CDK14: variants seen among roughly 807,000 people sequenced by gnomAD.
The protein encoded by CDK14 is cyclin-dependent kinase 14.
In CDK14, 34 loss-of-function variants were observed where a neutral mutation model predicts 60.7. The ratio of observed to expected loss-of-function variants is 0.56; its 90% CI spans 0.43 to 0.75. The LOEUF (loss-of-function observed/expected upper bound fraction) is 0.75. CDK14 is among the 30% of genes least tolerant of loss of function. CDK14 has a pLI of 0.00. For missense variants in CDK14, 482 were observed against 564.1 expected (o/e 0.85, Z 1.47); for synonymous variants, 197 against 203.7 (o/e 0.97, Z 0.28).
intron 6 of CDK14, among the ~76,000 whole-genome samples, chr7:90,897,367 GC>G (rs922365784): frequency 2.0e-5 from 3 of 151,974 alleles, no homozygotes; most frequent in African/African-American, 7.2e-5. Context: ...TTTTTAATAA[GC>G]GTTTCAACAC....
intron 8 of CDK14, among the ~76,000 whole-genome samples, chr7:90,947,432 G>A (rs918064692): frequency 6.6e-6 from 1 of 152,126 alleles, no homozygotes; most frequent in African/African-American, 2.4e-5. Flanking sequence ...ATGACCTGGG[G>A]TAAATTAGTT....
intron 8 of CDK14, among the ~76,000 whole-genome samples, chr7:90,924,189 G>T (rs1424869546): frequency 1.3e-5 from 2 of 152,238 alleles, no homozygotes; most frequent in Non-Finnish European, 2.9e-5. Context: ...TCTCTGCAGA[G>T]TCCTGAGGCG....
At chr7:90,716,339 G>A (rs1037625504) in intron 2 of CDK14, 14 of 151,956 alleles carry the variant, frequency 9.2e-5, no homozygotes, top group Non-Finnish European at 1.8e-4. Context: ...TTCTTTTCTA[G>A]ATCCTGAGGT....
intron 10 of CDK14, among the ~76,000 whole-genome samples, chr7:91,042,381 C>T: frequency 6.6e-6 from 1 of 152,084 alleles, no homozygotes; most frequent in East Asian, 1.9e-4. Flanking sequence ...CTCAAGCCTC[C>T]CTTCTTTAGG....
chr7:90,752,178 A>T (rs1316240408), intron 4 of CDK14, among the ~76,000 whole-genome samples: 21 of 152,140 alleles, frequency 1.4e-4, no homozygotes, highest in Admixed American at 1.4e-3. Context: ...ACTAGACCTA[A>T]TAGGCATCTA....
chr7:90,662,204 A>G (rs77483800), intron 2 of CDK14, among the ~76,000 whole-genome samples: 206 of 152,348 alleles, frequency 1.4e-3, no homozygotes, highest in Non-Finnish European at 2.5e-3. Flanking sequence ...TTTAGAACTG[A>G]AAGAAATTCT....
At chr7:90,821,230 G>C (rs1451657359) in intron 5 of CDK14, among the ~76,000 whole-genome samples, 1 of 152,160 alleles carries the variant, frequency 6.6e-6, no homozygotes, top group African/African-American at 2.4e-5. Context: ...AATGATTCAG[G>C]AGACACAGCT....
intron 14 of CDK14, among the ~76,000 whole-genome samples, chr7:91,155,693 T>C (rs1245868790): frequency 6.6e-6 from 1 of 152,208 alleles, no homozygotes; most frequent in East Asian, 1.9e-4. Context: ...CAATGTTTTA[T>C]ACAATAATAA....
intron 2 of CDK14, among the ~76,000 whole-genome samples, chr7:90,685,917 C>T (rs371234802): frequency 2.6e-5 from 4 of 151,628 alleles, no homozygotes; most frequent in South Asian, 2.1e-4. Context: ...TATTTATTAC[C>T]TGCTGCTTCA....
At chr7:90,931,647 G>A (rs899278328) in intron 8 of CDK14, among the ~76,000 whole-genome samples, 1 of 152,194 alleles carries the variant, frequency 6.6e-6, no homozygotes, top group African/African-American at 2.4e-5. Context: ...CTTCTTCATA[G>A]CTGTAAATTA....
chr7:91,157,509 C>T (rs181744979), intron 14 of CDK14, among the ~76,000 whole-genome samples: 6 of 152,182 alleles, frequency 3.9e-5, no homozygotes, highest in South Asian at 2.1e-4. Flanking sequence ...TGTCAAATGC[C>T]TCCTATTACC....
chr7:91,158,299 A>T (rs1801053576), intron 14 of CDK14, among the ~76,000 whole-genome samples: 1 of 151,698 alleles, frequency 6.6e-6, no homozygotes, highest in South Asian at 2.1e-4. Context: ...TGCAGTCTCG[A>T]CCTCCCGCGC....
intron 11 of CDK14, among the ~76,000 whole-genome samples, chr7:91,057,097 C>G (rs1045915623): frequency 3.9e-5 from 6 of 152,102 alleles, no homozygotes; most frequent in Non-Finnish European, 7.3e-5. Flanking sequence ...TAGTGATTGC[C>G]ATTCTAACTG....
At chr7:90,824,518 G>A (rs1216324253) in intron 5 of CDK14, 1 of 152,170 alleles carries the variant, frequency 6.6e-6, no homozygotes, top group East Asian at 1.9e-4. Context: ...TTAAATCTCA[G>A]CAGAAGAGTA....
chr7:90,626,286 T>C (rs145657712), intron 2 of CDK14, among the ~76,000 whole-genome samples: 200 of 152,302 alleles, frequency 1.3e-3, no homozygotes, highest in Non-Finnish European at 2.3e-3. Context: ...TTTTTATCAG[T>C]TCCTCCCCCA....
At chr7:90,775,177 G>A (rs534821407) in intron 4 of CDK14, among the ~76,000 whole-genome samples, 3 of 152,250 alleles carry the variant, frequency 2.0e-5, no homozygotes, top group Admixed American at 6.5e-5. Context: ...TGGACCAAGA[G>A]GCTTGAAATG....
chr7:90,955,848 C>G (rs574502203), intron 9 of CDK14, 31 bp downstream of exon 9: 51 of 1,610,108 alleles, frequency 3.2e-5, no homozygotes, highest in African/African-American at 2.1e-4. Flanking sequence ...TCTAGCTAAT[C>G]TATCTGTAGT....
intron 2 of CDK14, among the ~76,000 whole-genome samples, chr7:90,653,262 C>T (rs111339432): frequency 1.3e-5 from 2 of 152,020 alleles, no homozygotes; most frequent in Non-Finnish European, 1.5e-5. Flanking sequence ...AACTCCACAA[C>T]CCCCCTCTGT....
intron 4 of CDK14, among the ~76,000 whole-genome samples, chr7:90,789,675 C>G (rs1376538881): frequency 1.3e-5 from 2 of 152,098 alleles, no homozygotes; most frequent in Admixed American, 1.3e-4. Flanking sequence ...CTTACACATC[C>G]TCAGACTTGG....
Sources: gnomAD v4.1 joint callset for allele counts (sites outside exome capture counted in the v4.1 genomes callset) on GRCh38, gnomAD v4.1.1 for gene constraint, MANE v1.5 for transcripts, NCBI Gene and HGNC (gene_info 2026-07-23, HGNC 2026-07-21) for gene names.